The following DUSP22 variants were observed in gnomAD, a reference collection of about 807,000 sequenced individuals.
The protein encoded by DUSP22 is dual specificity phosphatase 22, also known as dual specificity protein phosphatase 22.
A neutral mutation model predicts 24.5 loss-of-function variants in DUSP22; 24 were observed. The ratio of observed to expected loss-of-function variants is 0.98; its 90% CI spans 0.71 to 1.38. The LOEUF (loss-of-function observed/expected upper bound fraction) is 1.38, where lower values mean the gene tolerates loss of function less well. DUSP22 is among the 40% of genes most tolerant of loss of function. DUSP22 has a pLI of 0.00. For synonymous variants in DUSP22, 160 were observed against 106.4 expected, an observed-to-expected ratio of 1.50 and a Z score of -3.10; for missense variants, 330 against 269.2, an observed-to-expected ratio of 1.23 and a Z score of -1.58.
At chr6:294,955 G>T (rs866574460) in intron 1 of DUSP22, among the ~76,000 whole-genome samples, 2 of 152,400 alleles carry the variant, frequency 1.3e-5, no homozygotes, top group Non-Finnish European at 1.5e-5. Context: ...GTGAGATCAG[G>T]AGGAACTACC....
chr6:334,297 G>A (rs1466819682), intron 3 of DUSP22, among the ~76,000 whole-genome samples: 3 of 152,306 alleles, frequency 2.0e-5, no homozygotes, highest in African/African-American at 7.2e-5. Context: ...TCTTCATCAG[G>A]CCATAATCTC....
At chr6:322,711 G>A (rs974203748) in intron 3 of DUSP22, among the ~76,000 whole-genome samples, 13 of 152,258 alleles carry the variant, frequency 8.5e-5, no homozygotes, top group African/African-American at 2.9e-4. Context: ...TTCTTGTTCC[G>A]GGTCGGGACA....
At position 304,623 on chromosome 6, in the gene DUSP22, C is replaced by T. The variant is rs1252080335; in HGVS notation, c.22-5C>T. ...TGCTCATGTCTGTGTCTGTCTCTCTCCTAGATCCTGCCCGGCCTGTACATC... is the reference window on the plus strand; with the variant it reads ...TGCTCATGTCTGTGTCTGTCTCTCTTCTAGATCCTGCCCGGCCTGTACATC... On this transcript the variant is annotated splice_polypyrimidine_tract_variant and splice_region_variant and intron_variant, in intron 1 of 6. Transcript: ENST00000419235. The T allele has an allele frequency of 1.2e-6, 2 of 1,614,146 alleles. No homozygotes were observed. Among genetic ancestry groups the T allele is most frequent in the African/African-American group, 2.7e-5 (2 of 74,966 alleles).
chr6:326,487 TGCGG>T, intron 3 of DUSP22, among the ~76,000 whole-genome samples: 1 of 148,046 alleles, frequency 6.8e-6, no homozygotes, highest in South Asian at 2.1e-4. Flanking sequence ...ATGCTGTATC[TGCGG>T]GTGCCTGGAG....
intron 3 of DUSP22, among the ~76,000 whole-genome samples, chr6:315,290 A>G (rs1353681095): frequency 2.6e-5 from 4 of 152,300 alleles, no homozygotes; most frequent in Non-Finnish European, 4.4e-5. Context: ...TCTATGCCCC[A>G]CTGCTCTCTG....
At chr6:331,976 A>G (rs1231971022) in intron 3 of DUSP22, among the ~76,000 whole-genome samples, 3 of 152,304 alleles carry the variant, frequency 2.0e-5, no homozygotes, top group African/African-American at 4.8e-5. Flanking sequence ...TGCTGTTTGC[A>G]TGGTGTGGGC....
intron 4 of DUSP22, among the ~76,000 whole-genome samples, chr6:345,430 G>A (rs551430579): frequency 2.6e-5 from 4 of 152,404 alleles, no homozygotes; most frequent in South Asian, 4.1e-4. Context: ...GGCTGGTCTC[G>A]AGCTCCTGAC....
At chr6:347,704 C>T (rs1293527071) in intron 5 of DUSP22, among the ~76,000 whole-genome samples, 6 of 152,304 alleles carry the variant, frequency 3.9e-5, no homozygotes, top group Non-Finnish European at 8.8e-5. Context: ...GAACATGAAG[C>T]ATTCTAAACA....
intron 3 of DUSP22, among the ~76,000 whole-genome samples, chr6:312,951 A>ATTGT (rs1321628586): frequency 6.6e-6 from 1 of 151,028 alleles, no homozygotes; most frequent in African/African-American, 2.4e-5. Flanking sequence ...ACTTCCTTGT[A>ATTGT]TTGTTTAGCT....
At chr6:317,720 A>G (rs1360241699) in intron 3 of DUSP22, among the ~76,000 whole-genome samples, 1 of 152,302 alleles carries the variant, frequency 6.6e-6, no homozygotes, top group Non-Finnish European at 1.5e-5. Flanking sequence ...GAGCCCACAC[A>G]GGCAGCTGCC....
chr6:306,590 C>G (rs563062213), intron 2 of DUSP22, among the ~76,000 whole-genome samples: 3 of 152,294 alleles, frequency 2.0e-5, no homozygotes, highest in Admixed American at 2.0e-4. Flanking sequence ...TTTATTCACT[C>G]GTTAGCCAAA....
intron 3 of DUSP22, among the ~76,000 whole-genome samples, chr6:313,360 A>G (rs1454909588): frequency 6.6e-6 from 1 of 152,284 alleles, no homozygotes; most frequent in Non-Finnish European, 1.5e-5. Context: ...TGTAGATAGG[A>G]GATCTGCCAG....
chr6:292,568 C>G lies in DUSP22; in HGVS notation c.21+8C>G. The stretch of plus-strand genomic sequence containing the variant: ...GGGAATGGGATGAACAAGGTAACGT[C>G]TTCCCTCGTTCGCGCTGGGTTTGCC... On this transcript the variant is annotated splice_region_variant and intron_variant, in intron 1 of 6. Transcript: ENST00000419235. 6.3e-7 allele frequency: 1 copy of G among 1,598,086 alleles called. No individual in the cohort carries two copies. The highest frequency in any genetic ancestry group is 8.5e-7 in the Non-Finnish European group (1 of 1,172,750).
chr6:336,525 C>T (rs538841303), intron 4 of DUSP22, among the ~76,000 whole-genome samples: 12 of 152,332 alleles, frequency 7.9e-5, no homozygotes, highest in East Asian at 1.9e-4. Flanking sequence ...ACAGGTTATG[C>T]GATAATTTTG....
chr6:317,064 C>T (rs1311810602), intron 3 of DUSP22, among the ~76,000 whole-genome samples: 2 of 152,308 alleles, frequency 1.3e-5, no homozygotes, highest in African/African-American at 4.8e-5. Context: ...ACATTGAAGA[C>T]ATTTTTTGAA....
chr6:315,445 C>T (rs1016014046), intron 3 of DUSP22, among the ~76,000 whole-genome samples: 4 of 152,302 alleles, frequency 2.6e-5, no homozygotes, highest in Admixed American at 2.0e-4. Context: ...GATGGGAAGC[C>T]GGGACTCCTC....
intron 1 of DUSP22, among the ~76,000 whole-genome samples, chr6:298,263 T>G (rs1360207942): frequency 6.6e-6 from 1 of 152,310 alleles, no homozygotes; most frequent in Non-Finnish European, 1.5e-5. Context: ...CATGGCCAAA[T>G]GGCATTTAAA....
chr6:310,513 TAGAC>T (rs1202126432), intron 2 of DUSP22, among the ~76,000 whole-genome samples: 14 of 152,424 alleles, frequency 9.2e-5, no homozygotes, highest in East Asian at 1.9e-4. Flanking sequence ...TGATAGCTGA[TAGAC>T]AGTTCTGTTT....
chr6:299,591 T>TGAAACTCTAGCTCAGTCTC (rs1757490998), intron 1 of DUSP22, among the ~76,000 whole-genome samples: 1 of 152,310 alleles, frequency 6.6e-6, no homozygotes, highest in Non-Finnish European at 1.5e-5. Flanking sequence ...TTTCCAGTCT[T>TGAAACTCTAGCTCAGTCTC]GAAACTCTAG....
Sources: gnomAD v4.1 joint callset for allele counts (sites outside exome capture counted in the v4.1 genomes callset) on GRCh38, gnomAD v4.1.1 for gene constraint, MANE v1.5 for transcripts, NCBI Gene and HGNC (gene_info 2026-07-23, HGNC 2026-07-21) for gene names.